PRH1: variants seen among roughly 807,000 people sequenced by gnomAD.
The protein encoded by PRH1 is salivary acidic proline-rich phosphoprotein 1/2.
PRH1 carries 7 observed loss-of-function variants against 7.9 expected under a neutral mutation model. That is an observed-to-expected ratio of 0.89 (90% CI 0.50 to 1.67). PRH1 has a LOEUF of 1.67. Ranked by LOEUF, PRH1 falls within the 40% of genes most tolerant of loss-of-function variation. PRH1 has a pLI of 0.00. For missense variants in PRH1, 109 were observed against 223.6 expected (o/e 0.49, Z 3.27); for synonymous variants, 45 against 80.8 (o/e 0.56, Z 2.38).
At chr12:10,980,893 G>C (rs1565518272) in intron 1 of PRH1, among the ~76,000 whole-genome samples, 1 of 152,204 alleles carries the variant, frequency 6.6e-6, no homozygotes, top group Non-Finnish European at 1.5e-5. Flanking sequence ...AGACTCCCTG[G>C]TGATCTTCCA....
chr12:10,987,107 T>C (rs1440045977), intron 1 of PRH1, among the ~76,000 whole-genome samples: 1 of 152,192 alleles, frequency 6.6e-6, no homozygotes, highest in Admixed American at 6.5e-5. Flanking sequence ...ATTCATTCAA[T>C]GTCCGTTCTT....
chr12:10,961,476 T>A (rs1273819953), intron 2 of PRH1, among the ~76,000 whole-genome samples: 1 of 151,048 alleles, frequency 6.6e-6, no homozygotes. Flanking sequence ...GGAAATCATA[T>A]GCCCATAAAG....
chr12:11,020,121 T>C (rs1033104357), intron 1 of PRH1, among the ~76,000 whole-genome samples: 2 of 152,264 alleles, frequency 1.3e-5, no homozygotes, highest in Admixed American at 1.3e-4. Context: ...AAAAAGCCTA[T>C]AACCTCAACC....
Position 11,010,795 on chromosome 12 carries a change from TTA to T in PRH1, c.-126+36223_-126+36224del, listed in dbSNP as rs1283989530. On this transcript the variant is annotated intron_variant, in intron 1 of 3. Coordinates refer to the PRH1 transcript ENST00000539853. ...CAGAATGTATTTTTAGTTCAAAAAA[TTA>T]TGTTGCTTTTTAATTACATGACTGA... Among the ~76,000 whole-genome samples, 9 of 146,146 alleles carry T rather than the reference TTA, an allele frequency of 6.2e-5. No individual in the cohort carries two copies. The East Asian group carries it at 9.2e-4, about 15-fold the overall frequency.
At chr12:11,029,641 A>ATAAC (rs1250715832) in intron 1 of PRH1, among the ~76,000 whole-genome samples, 1 of 68,268 alleles carries the variant, frequency 1.5e-5, no homozygotes, top group Non-Finnish European at 4.0e-5. Flanking sequence ...CTGCATATGC[A>ATAAC]TAACTGATGA....
chr12:10,986,287 G>A, intron 1 of PRH1: 1 of 1,614,030 alleles, frequency 6.2e-7, no homozygotes, highest in Non-Finnish European at 8.5e-7. Flanking sequence ...AAAGATATCA[G>A]GGACAGAGTA....
intron 1 of PRH1, among the ~76,000 whole-genome samples, chr12:11,167,649 T>C (rs566752832): frequency 1.4e-4 from 21 of 152,230 alleles, no homozygotes; most frequent in East Asian, 3.9e-4. Flanking sequence ...GGTTTCACCA[T>C]GTTAGCCAGG....
chr12:10,945,937 C>G (rs1162315098), intron 2 of PRH1, among the ~76,000 whole-genome samples: 1 of 152,236 alleles, frequency 6.6e-6, no homozygotes, highest in Non-Finnish European at 1.5e-5. Flanking sequence ...TCTGTTCCAC[C>G]TAGCTAACCA....
At chr12:11,104,448 A>G (rs1945351597) in intron 1 of PRH1, among the ~76,000 whole-genome samples, 2 of 14,194 alleles carry the variant, frequency 1.4e-4, no homozygotes, top group Admixed American at 2.0e-3. Flanking sequence ...AATTCCTCTC[A>G]CATCTGTATT....
chr12:10,925,639 G>A (rs1405049311), intron 2 of PRH1, among the ~76,000 whole-genome samples: 4 of 152,148 alleles, frequency 2.6e-5, no homozygotes, highest in Non-Finnish European at 5.9e-5. Context: ...ACGTAAATGT[G>A]CTTATGATTT....
chr12:11,122,932 C>T (rs1260916077), intron 1 of PRH1, among the ~76,000 whole-genome samples: 5 of 152,202 alleles, frequency 3.3e-5, no homozygotes, highest in Admixed American at 2.0e-4. Flanking sequence ...TGCCACTTTC[C>T]AATCCCCTAC....
intron 2 of PRH1, among the ~76,000 whole-genome samples, chr12:10,903,116 T>C (rs1177811167): frequency 6.6e-6 from 1 of 152,134 alleles, no homozygotes; most frequent in Non-Finnish European, 1.5e-5. Context: ...AAGAGACCCA[T>C]CTCACATGTA....
upstream of PRH1, among the ~76,000 whole-genome samples, chr12:10,889,038 T>C (rs1387741925): frequency 1.3e-5 from 2 of 152,184 alleles, no homozygotes; most frequent in Non-Finnish European, 2.9e-5. Context: ...TTAAAACATA[T>C]GAAGAAAACT....
chr12:11,055,826 A>C (rs1943341161), intron 1 of PRH1, among the ~76,000 whole-genome samples: 1 of 152,256 alleles, frequency 6.6e-6, no homozygotes, highest in African/African-American at 2.4e-5. Flanking sequence ...CTCGGTCAAA[A>C]CTAGAATCAC....
intron 1 of PRH1, among the ~76,000 whole-genome samples, chr12:10,996,333 A>G (rs1940234264): frequency 6.6e-6 from 1 of 151,848 alleles, no homozygotes; most frequent in South Asian, 2.1e-4. Context: ...CATCTCAAAA[A>G]AAAGAAAAAA....
chr12:11,162,815 C>T (rs966472452), intron 1 of PRH1, among the ~76,000 whole-genome samples: 1 of 152,162 alleles, frequency 6.6e-6, no homozygotes, highest in Middle Eastern at 3.2e-3. Context: ...AATACACATG[C>T]ACACTTGTAA....
intron 1 of PRH1, among the ~76,000 whole-genome samples, chr12:11,101,991 T>C (rs888467719): frequency 2.3e-5 from 3 of 131,914 alleles, no homozygotes; most frequent in Non-Finnish European, 5.2e-5. Flanking sequence ...TTACAAGGGA[T>C]GTGAAGGAAA....
intron 1 of PRH1, chr12:10,985,823 A>G: frequency 1.0e-6 from 1 of 975,228 alleles, no homozygotes; most frequent in South Asian, 1.9e-5. Flanking sequence ...CTTTCAGAAA[A>G]TACTCAAAAA....
intron 1 of PRH1, among the ~76,000 whole-genome samples, chr12:10,990,281 C>T (rs1447778720): frequency 6.6e-6 from 1 of 152,116 alleles, no homozygotes; most frequent in Non-Finnish European, 1.5e-5. Flanking sequence ...AAAAATGAAA[C>T]TAGATGCCTA....
Sources: gnomAD v4.1 joint callset for allele counts (sites outside exome capture counted in the v4.1 genomes callset) on GRCh38, gnomAD v4.1.1 for gene constraint, MANE v1.5 for transcripts, NCBI Gene and HGNC (gene_info 2026-07-23, HGNC 2026-07-21) for gene names.